The following KCNQ3 variants were observed in gnomAD, a reference collection of about 807,000 sequenced individuals.
The protein encoded by KCNQ3 is potassium voltage-gated channel subfamily Q member 3, also known as potassium voltage-gated channel subfamily KQT member 3.
A neutral mutation model predicts 92.5 loss-of-function variants in KCNQ3; 30 were observed. The observed-to-expected ratio is 0.32, with a 90% CI of 0.24 to 0.44. KCNQ3 has a LOEUF of 0.44. Among genes scored for constraint, KCNQ3 ranks in the 20% least tolerant of loss-of-function variants. KCNQ3 has a pLI of 1.00. For synonymous variants in KCNQ3, 450 were observed against 468.8 expected (o/e 0.96, Z 0.52); for missense variants, 913 against 1,140.3 (o/e 0.80, Z 2.87).
chr8:132,313,268 A>G (rs979588777), intron 1 of KCNQ3, among the ~76,000 whole-genome samples: 2 of 152,246 alleles, frequency 1.3e-5, no homozygotes, highest in African/African-American at 4.8e-5. Flanking sequence ...AATAGTTTAG[A>G]AAAACAGAAA....
intron 1 of KCNQ3, among the ~76,000 whole-genome samples, chr8:132,465,844 C>T (rs953136287): frequency 6.6e-5 from 10 of 151,464 alleles, no homozygotes; most frequent in South Asian, 2.1e-4. Context: ...CCCAGGAGGT[C>T]GAGGCTGTGG....
intron 1 of KCNQ3, among the ~76,000 whole-genome samples, chr8:132,186,856 G>A (rs1826971605): frequency 6.6e-6 from 1 of 151,396 alleles, no homozygotes; most frequent in South Asian, 2.1e-4. Context: ...TCAGGCAGGA[G>A]TGAACTACAA....
rs1554629513 is a variant in KCNQ3, at chr8:132,189,907, A to AAG, written c.387-3728_387-3727dup. ...AATGACCAAAAAAAAAAAAAAAAAA[A>AAG]AGAGAGAGAGAGAGAGAAGAGGATA... On this transcript the variant is annotated intron_variant, in intron 1 of 14. Transcript: ENST00000388996. Among the ~76,000 whole-genome samples the AAG allele has an allele frequency of 5.8e-3, 761 of 132,152 alleles. 27 individuals are homozygous for AAG. Among genetic ancestry groups the AAG allele is most frequent in the African/African-American group, 0.02 (569 of 28,738 alleles). 86.7% of individuals were successfully genotyped at this position (132,152 alleles called of 152,430 possible).
At chr8:132,275,779 G>T (rs1205421708) in intron 1 of KCNQ3, among the ~76,000 whole-genome samples, 2 of 152,144 alleles carry the variant, frequency 1.3e-5, no homozygotes, top group East Asian at 3.9e-4. Flanking sequence ...GGGTTTCACT[G>T]TGTTAGCCAG....
At chr8:132,201,140 T>G (rs1016801450) in intron 1 of KCNQ3, among the ~76,000 whole-genome samples, 1 of 152,160 alleles carries the variant, frequency 6.6e-6, no homozygotes, top group Non-Finnish European at 1.5e-5. Flanking sequence ...CATTAACATA[T>G]TTATGAAGGC....
intron 1 of KCNQ3, among the ~76,000 whole-genome samples, chr8:132,443,835 C>T (rs1017557555): frequency 5.3e-5 from 8 of 152,134 alleles, no homozygotes; most frequent in African/African-American, 1.7e-4. Flanking sequence ...GTCAGGTCAC[C>T]CAGCCCTCTG....
chr8:132,229,822 G>A (rs1586847100), intron 1 of KCNQ3, among the ~76,000 whole-genome samples: 1 of 152,154 alleles, frequency 6.6e-6, no homozygotes, highest in African/African-American at 2.4e-5. Flanking sequence ...AAACATAACA[G>A]GTGGAGAGAA....
chr8:132,178,642 C>T (rs1206653479), intron 4 of KCNQ3, among the ~76,000 whole-genome samples: 1 of 152,032 alleles, frequency 6.6e-6, no homozygotes, highest in Non-Finnish European at 1.5e-5. Context: ...TGCTGTCTGA[C>T]TCTCAAGCTC....
At chr8:132,453,041 C>T (rs1821858053) in intron 1 of KCNQ3, among the ~76,000 whole-genome samples, 1 of 152,180 alleles carries the variant, frequency 6.6e-6, no homozygotes, top group African/African-American at 2.4e-5. Context: ...AGGGAAGCCC[C>T]TCCTGGATCC....
intron 3 of KCNQ3, among the ~76,000 whole-genome samples, chr8:132,181,757 A>G (rs1406749050): frequency 2.0e-5 from 3 of 152,160 alleles, no homozygotes; most frequent in East Asian, 1.9e-4. Context: ...CACATTTGCC[A>G]AAAAAGCTGA....
At chr8:132,407,118 C>T (rs57774034) in intron 1 of KCNQ3, among the ~76,000 whole-genome samples, 21,196 of 152,096 alleles carry the variant, frequency 0.14, 1,628 homozygotes, top group African/African-American at 0.2. Flanking sequence ...CAGGTCCTGC[C>T]GAGGAAGAGA....
At chr8:132,446,004 C>G (rs1305485781) in intron 1 of KCNQ3, among the ~76,000 whole-genome samples, 1 of 152,150 alleles carries the variant, frequency 6.6e-6, no homozygotes, top group Non-Finnish European at 1.5e-5. Flanking sequence ...ATGCTGGGCA[C>G]AGAGTAGTGT....
chr8:132,391,888 G>A (rs984650706), intron 1 of KCNQ3, among the ~76,000 whole-genome samples: 3 of 152,154 alleles, frequency 2.0e-5, no homozygotes, highest in Admixed American at 1.3e-4. Context: ...GCGAGGGTGG[G>A]TATGGACACG....
intron 1 of KCNQ3, among the ~76,000 whole-genome samples, chr8:132,378,032 T>C (rs1014696805): frequency 6.6e-6 from 1 of 152,062 alleles, no homozygotes; most frequent in African/African-American, 2.4e-5. Context: ...TTTGAAAAAA[T>C]GACACTTTTT....
chr8:132,281,198 T>C (rs1314923300), intron 1 of KCNQ3, among the ~76,000 whole-genome samples: 3 of 152,136 alleles, frequency 2.0e-5, no homozygotes, highest in Non-Finnish European at 4.4e-5. Flanking sequence ...GAGCACCTTG[T>C]TTGGCACTAT....
chr8:132,166,620 G>T (rs187150650), intron 8 of KCNQ3, among the ~76,000 whole-genome samples: 4 of 152,098 alleles, frequency 2.6e-5, no homozygotes, highest in Admixed American at 2.6e-4. Context: ...AATTGGGTTT[G>T]GACTTGAAAC....
chr8:132,303,618 A>G (rs1194444596), intron 1 of KCNQ3, among the ~76,000 whole-genome samples: 7 of 65,236 alleles, frequency 1.1e-4, no homozygotes, highest in African/African-American at 5.7e-4. Flanking sequence ...ATATATATAT[A>G]TATATATATA....
At chr8:132,196,424 C>T (rs1827298637) in intron 1 of KCNQ3, among the ~76,000 whole-genome samples, 1 of 152,174 alleles carries the variant, frequency 6.6e-6, no homozygotes, top group South Asian at 2.1e-4. Context: ...CCTTGACATG[C>T]ACTTACCATT....
intron 1 of KCNQ3, among the ~76,000 whole-genome samples, chr8:132,289,033 T>G (rs1236510018): frequency 6.6e-6 from 1 of 152,180 alleles, no homozygotes; most frequent in East Asian, 1.9e-4. Context: ...GAAATTGAAG[T>G]GGATTTCAAA....
Sources: gnomAD v4.1 joint callset for allele counts (sites outside exome capture counted in the v4.1 genomes callset) on GRCh38, gnomAD v4.1.1 for gene constraint, MANE v1.5 for transcripts, NCBI Gene and HGNC (gene_info 2026-07-23, HGNC 2026-07-21) for gene names.